Variants in GRID2 observed in about 807,000 individuals in gnomAD.
GRID2 encodes the protein glutamate receptor ionotropic, delta-2.
Under a neutral mutation model 114.8 loss-of-function variants are expected in GRID2, and 33 were observed. The ratio of observed to expected loss-of-function variants is 0.29; its 90% CI spans 0.22 to 0.38. The LOEUF is 0.38. Ranked by LOEUF, GRID2 falls within the 10% of genes least tolerant of loss-of-function variation. The pLI is 1.00. For synonymous variants in GRID2, 505 were observed against 449.9 expected (o/e 1.12, Z -1.55); for missense variants, 1,184 against 1,257.7 (o/e 0.94, Z 0.89).
At chr4:92,840,333 A>C (rs1742792509) in intron 2 of GRID2, among the ~76,000 whole-genome samples, 1 of 151,918 alleles carries the variant, frequency 6.6e-6, no homozygotes, top group Admixed American at 6.6e-5. Context: ...ATTATTATTG[A>C]CAAGTAAGAG....
chr4:93,206,917 C>G (rs191700891), intron 4 of GRID2, among the ~76,000 whole-genome samples: 1 of 152,122 alleles, frequency 6.6e-6, no homozygotes. Flanking sequence ...GAATACAGAG[C>G]AGTTTACTTA....
chr4:93,553,287 A>G (rs1733963055), intron 13 of GRID2, among the ~76,000 whole-genome samples: 1 of 152,188 alleles, frequency 6.6e-6, no homozygotes, highest in African/African-American at 2.4e-5. Flanking sequence ...CCTCTCCAGC[A>G]TCTGTGGTTT....
chr4:92,747,676 C>T (rs1264771478), intron 2 of GRID2, among the ~76,000 whole-genome samples: 1 of 152,110 alleles, frequency 6.6e-6, no homozygotes, highest in Non-Finnish European at 1.5e-5. Flanking sequence ...TTACAAGCTT[C>T]CTGACCTTTC....
At chr4:92,729,488 T>A (rs1028861695) in intron 2 of GRID2, among the ~76,000 whole-genome samples, 2 of 152,078 alleles carry the variant, frequency 1.3e-5, no homozygotes, top group Non-Finnish European at 2.9e-5. Flanking sequence ...TCAAATAACA[T>A]TTCAAAGTCA....
chr4:93,510,806 G>C (rs1436272940), intron 12 of GRID2, among the ~76,000 whole-genome samples: 1 of 152,056 alleles, frequency 6.6e-6, no homozygotes, highest in Non-Finnish European at 1.5e-5. Flanking sequence ...AAAAACAGTA[G>C]AAACCTGATC....
intron 1 of GRID2, among the ~76,000 whole-genome samples, chr4:92,471,892 C>T (rs558877022): frequency 3.3e-5 from 5 of 149,496 alleles, no homozygotes; most frequent in Admixed American, 6.7e-5. Flanking sequence ...GTTTCTTTAA[C>T]GGAGCATACT....
chr4:92,520,585 T>G (rs1724720443), intron 1 of GRID2, among the ~76,000 whole-genome samples: 1 of 151,978 alleles, frequency 6.6e-6, no homozygotes, highest in Non-Finnish European at 1.5e-5. Flanking sequence ...TCCATTGATC[T>G]TAATCACAGG....
intron 2 of GRID2, among the ~76,000 whole-genome samples, chr4:92,626,276 A>G (rs1454539639): frequency 6.6e-6 from 1 of 151,916 alleles, no homozygotes; most frequent in Non-Finnish European, 1.5e-5. Flanking sequence ...GTAACCTTTA[A>G]CAAGGTTTTA....
At chr4:93,700,434 A>C (rs1727412140) in intron 14 of GRID2, among the ~76,000 whole-genome samples, 1 of 152,160 alleles carries the variant, frequency 6.6e-6, no homozygotes, top group Non-Finnish European at 1.5e-5. Context: ...CTTATTTAGA[A>C]GTTCTAAATA....
At chr4:93,081,738 T>A (rs1471108524) in intron 2 of GRID2, among the ~76,000 whole-genome samples, 2 of 152,210 alleles carry the variant, frequency 1.3e-5, no homozygotes, top group Non-Finnish European at 2.9e-5. Context: ...TAGATTATTT[T>A]AATTTAAAAT....
intron 2 of GRID2, among the ~76,000 whole-genome samples, chr4:92,632,895 T>C (rs371610172): frequency 1.2e-4 from 19 of 152,344 alleles, no homozygotes; most frequent in African/African-American, 4.3e-4. Flanking sequence ...TTTCATTATT[T>C]CATTTCATAT....
intron 2 of GRID2, among the ~76,000 whole-genome samples, chr4:92,903,849 A>G (rs774126594): frequency 4.6e-5 from 7 of 151,966 alleles, no homozygotes; most frequent in Non-Finnish European, 7.4e-5. Flanking sequence ...TCTCTCCTCA[A>G]TGTGCTCATA....
chr4:93,449,381 A>T (rs1334821907), intron 10 of GRID2, among the ~76,000 whole-genome samples: 1 of 152,076 alleles, frequency 6.6e-6, no homozygotes, highest in Non-Finnish European at 1.5e-5. Flanking sequence ...AACAGAGGTG[A>T]TATTTAGTTT....
Position 92,590,197 on chromosome 4 carries a change from A to G in GRID2, c.155A>G (p.Asn52Ser), listed in dbSNP as rs563942882. The G allele has an allele frequency of 6.2e-7, 1 of 1,612,202 alleles. No homozygotes were observed. The highest frequency in any genetic ancestry group is 8.5e-7 in the Non-Finnish European group (1 of 1,178,308). The change falls in exon 2 of 16, where the codon AAC becomes AGC. Residue 52 changes from asparagine (N) to serine (S), a missense_variant. Asn to Ser is a conservative substitution (Grantham distance 46, BLOSUM62 1). Transcript: ENST00000282020. ...TTTCGCACTGCGGTTGGTGACCTTA[A>G]CCAGAATGAGGAGATCTTACAGACT... ...EVFRTAVGDL[N>S]QNEEILQTEK...
chr4:93,389,041 G>C (rs1407659242), intron 8 of GRID2, among the ~76,000 whole-genome samples: 3 of 152,162 alleles, frequency 2.0e-5, no homozygotes, highest in African/African-American at 7.2e-5. Context: ...TTGCAATAGA[G>C]ATGCTTTACA....
At chr4:93,195,906 C>T (rs1017951277) in intron 4 of GRID2, among the ~76,000 whole-genome samples, 4 of 152,094 alleles carry the variant, frequency 2.6e-5, no homozygotes, top group Non-Finnish European at 4.4e-5. Context: ...CAGATGACTT[C>T]GAATGTTCTT....
At chr4:92,959,417 A>G (rs1366993982) in intron 2 of GRID2, among the ~76,000 whole-genome samples, 1 of 150,680 alleles carries the variant, frequency 6.6e-6, no homozygotes, top group Non-Finnish European at 1.5e-5. Flanking sequence ...TTTTTTTTTA[A>G]TTTTCTGTTA....
intron 1 of GRID2, among the ~76,000 whole-genome samples, chr4:92,511,689 T>A (rs962930959): frequency 6.6e-6 from 1 of 151,828 alleles, no homozygotes; most frequent in Non-Finnish European, 1.5e-5. Flanking sequence ...GTTGAATCAG[T>A]TCAAGAGAGG....
At chr4:93,050,382 C>T (rs1018356125) in intron 2 of GRID2, among the ~76,000 whole-genome samples, 3 of 151,906 alleles carry the variant, frequency 2.0e-5, no homozygotes, top group African/African-American at 7.3e-5. Flanking sequence ...CTTTTATACT[C>T]CTCCTTAATC....
Sources: gnomAD v4.1 joint callset for allele counts (sites outside exome capture counted in the v4.1 genomes callset) on GRCh38, gnomAD v4.1.1 for gene constraint, MANE v1.5 for transcripts, NCBI Gene and HGNC (gene_info 2026-07-23, HGNC 2026-07-21) for gene names.